The following SRGAP1 variants were observed in gnomAD, a reference collection of about 807,000 sequenced individuals.
SRGAP1 encodes SLIT-ROBO Rho GTPase activating protein 1, also known as SLIT-ROBO Rho GTPase-activating protein 1.
In SRGAP1, 43 loss-of-function variants were observed where a neutral mutation model predicts 121.9. The ratio of observed to expected loss-of-function variants is 0.35; its 90% confidence interval spans 0.28 to 0.46. SRGAP1 has a LOEUF of 0.46. Among genes scored for constraint, SRGAP1 ranks in the 20% least tolerant of loss-of-function variants. SRGAP1 has a pLI of 1.00. For missense variants in SRGAP1, 1,102 were observed against 1,350.9 expected, an observed-to-expected ratio of 0.82 and a Z score of 2.89; for synonymous variants, 447 against 485.4, an observed-to-expected ratio of 0.92 and a Z score of 1.04.
In SRGAP1 at chr12:64,156,760, T is replaced by G. The variant is rs1414696103; in HGVS notation, c.*14088T>G. 6.6e-6 allele frequency: 1 copy of G among 152,186 alleles called. No homozygotes were observed. Among genetic ancestry groups the G allele is most frequent in the East Asian group, 1.9e-4 (1 of 5,200 alleles). The allele number at this position is 152,186 out of a possible 1,614,324, so 9.4% of individuals were successfully genotyped here. A position where few individuals can be genotyped will look rare whatever the true frequency, so the allele number is the denominator to read the frequency against. On this transcript the variant is annotated 3_prime_UTR_variant, in exon 22 of 22. Transcript: ENST00000355086. The stretch of plus-strand genomic sequence containing the variant: ...TGTTGGTACACATGGAAAATCACAT[T>G]TGCCATGTTTTCTATGGCTTTGGGC...
chr12:64,113,097 C>A (rs1359008426), intron 17 of SRGAP1, among the ~76,000 whole-genome samples: 1 of 151,160 alleles, frequency 6.6e-6, no homozygotes, highest in Non-Finnish European at 1.5e-5. Context: ...CAAAACAAGA[C>A]CCTGTCTCTA....
chr12:63,892,199 T>C (rs140507400), intron 1 of SRGAP1, among the ~76,000 whole-genome samples: 6 of 152,268 alleles, frequency 3.9e-5, no homozygotes, highest in African/African-American at 1.4e-4. Flanking sequence ...CTTCCCTACC[T>C]CTAGTCTTGA....
chr12:64,050,876 C>T (rs373457754), intron 6 of SRGAP1, among the ~76,000 whole-genome samples: 1 of 152,114 alleles, frequency 6.6e-6, no homozygotes, highest in African/African-American at 2.4e-5. Flanking sequence ...TACGGACCAC[C>T]ATGCCCGGCT....
chr12:63,962,654 C>T (rs546224096), intron 1 of SRGAP1, among the ~76,000 whole-genome samples: 11 of 152,266 alleles, frequency 7.2e-5, no homozygotes, highest in African/African-American at 2.2e-4. Flanking sequence ...GTGATCTGTC[C>T]GCTTTGACCT....
At chr12:64,136,490 A>C (rs2036858314) in intron 21 of SRGAP1, among the ~76,000 whole-genome samples, 2 of 152,236 alleles carry the variant, frequency 1.3e-5, no homozygotes, top group South Asian at 4.1e-4. Flanking sequence ...AGATTTCAAA[A>C]AAGAGTGAAT....
chr12:63,860,231 A>G (rs112878330), intron 1 of SRGAP1, among the ~76,000 whole-genome samples: 110 of 152,226 alleles, frequency 7.2e-4, no homozygotes, highest in African/African-American at 2.6e-3. Flanking sequence ...GGCTTGTCTC[A>G]AACTCCTGAG....
At position 64,097,308 on chromosome 12, in the gene SRGAP1, C is replaced by G. The variant is rs1405082034; in HGVS notation, c.1746C>G (p.Leu582=). ...DINSVAGVLK[L]YFRGLENPLF... ...ACTCAGTTGCTGGCGTTCTGAAGCT[C>G]TATTTCCGTGGGCTGGAAAACCCCC... The change falls in exon 15 of 22, where the codon CTC becomes CTG. Residue 582 remains leucine, a synonymous_variant. Coordinates refer to ENST00000355086, the MANE Select transcript of SRGAP1 (RefSeq NM_020762.4). 3 of 1,612,558 alleles carry G rather than the reference C, an allele frequency of 1.9e-6. No homozygotes were observed. The South Asian group carries it at 3.3e-5, about 18-fold the overall frequency.
At chr12:64,088,563 A>C (rs577029673) in intron 11 of SRGAP1, among the ~76,000 whole-genome samples, 2 of 152,344 alleles carry the variant, frequency 1.3e-5, no homozygotes, top group African/African-American at 2.4e-5. Flanking sequence ...ACAGAATCAG[A>C]ATGAGTCACG....
intron 18 of SRGAP1, among the ~76,000 whole-genome samples, chr12:64,122,752 T>C (rs529870497): frequency 1.3e-5 from 2 of 151,938 alleles, no homozygotes; most frequent in Middle Eastern, 3.2e-3. Context: ...ACAAAAATTA[T>C]TGGGGCATGG....
intron 1 of SRGAP1, among the ~76,000 whole-genome samples, chr12:63,967,105 G>A (rs1592990030): frequency 1.3e-5 from 2 of 152,286 alleles, no homozygotes; most frequent in East Asian, 3.9e-4. Context: ...AGCCGTTTGG[G>A]AGGAGGGCAG....
intron 1 of SRGAP1, among the ~76,000 whole-genome samples, chr12:63,975,096 G>T (rs1025090623): frequency 6.6e-6 from 1 of 152,118 alleles, no homozygotes; most frequent in African/African-American, 2.4e-5. Flanking sequence ...TACATAATGA[G>T]AAAGTATTTT....
chr12:64,108,741 G>C lies in SRGAP1; in HGVS notation c.1814-191G>C, dbSNP rs551143694. The C allele has an allele frequency of 1.6e-4, 64 of 390,518 alleles. 1 individual carries two copies. The East Asian group carries it at 2.3e-3, about 14-fold the overall frequency. The allele number at this position is 390,518 out of a possible 1,614,324, so 24.2% of individuals were successfully genotyped here. On this transcript the variant is annotated intron_variant, in intron 15 of 21. Transcript: ENST00000355086. ...AAATCGGAGAAAACGGTAAGGGTCA[G>C]AGGAGATGCCCTCTGGAATGGTGGT...
chr12:63,906,535 A>G (rs985533934), intron 1 of SRGAP1, among the ~76,000 whole-genome samples: 5 of 151,882 alleles, frequency 3.3e-5, no homozygotes, highest in African/African-American at 1.2e-4. Flanking sequence ...GGATGGTCTC[A>G]ATCTCCTGAC....
Position 64,062,990 on chromosome 12 carries a change from A to C in SRGAP1, c.875A>C (p.Glu292Ala). The change falls in exon 7 of 22, where the codon GAA becomes GCA. Residue 292 changes from glutamate (E) to alanine (A), a missense_variant. Physicochemically the swap from Glu to Ala is moderately radical, Grantham distance 107. Around this residue, in one of 3 missense-constraint regions of SRGAP1, gnomAD observed 747 missense variants for 929.4 expected, o/e 0.80. Coordinates refer to ENST00000355086, the MANE Select transcript of SRGAP1 (RefSeq NM_020762.4). ...RTYLSAEYNL[E>A]TSRHEGLDII... ...TATCTGTCTGCGGAGTACAACCTTG[A>C]AACCTCCAGACATGAGGGCTTAGAC... 6.2e-7 allele frequency: 1 copy of C among 1,614,038 alleles called. No homozygotes were observed. Among genetic ancestry groups the C allele is most frequent in the Non-Finnish European group, 8.5e-7 (1 of 1,179,978 alleles).
intron 12 of SRGAP1, 91 bp downstream of exon 12, chr12:64,091,469 C>T (rs1457846948): frequency 4.8e-6 from 4 of 826,010 alleles, no homozygotes; most frequent in Non-Finnish European, 7.6e-6. Context: ...TCATTATGTC[C>T]AAGTCTGTCC....
At chr12:64,073,256 T>A (rs2035674961) in intron 8 of SRGAP1, among the ~76,000 whole-genome samples, 1 of 152,182 alleles carries the variant, frequency 6.6e-6, no homozygotes, top group Non-Finnish European at 1.5e-5. Context: ...CATGACACCA[T>A]TGCTTCTGAG....
In SRGAP1 at chr12:64,146,687, G is replaced by C. The variant is rs1236850862; in HGVS notation, c.*4015G>C. On this transcript the variant is annotated 3_prime_UTR_variant, in exon 22 of 22. Transcript: ENST00000355086. ...TCCACCACAGAAACCCTGAGACACA[G>C]AGCAGCTTAGAAGTCTCTACCCAGG... The C allele has an allele frequency of 6.6e-6, 1 of 152,104 alleles. No homozygotes were observed. The highest frequency in any genetic ancestry group is 2.4e-5 in the African/African-American group (1 of 41,422). The allele number at this position is 152,104 out of a possible 1,614,324, so 9.4% of individuals were successfully genotyped here.
chr12:64,006,743 C>G (rs943276122), intron 3 of SRGAP1, among the ~76,000 whole-genome samples: 2 of 151,978 alleles, frequency 1.3e-5, no homozygotes, highest in Non-Finnish European at 2.9e-5. Context: ...TCAAAAAGTT[C>G]TTATTATTGT....
Position 64,042,779 on chromosome 12 carries a change from CT to C in SRGAP1, c.490-7del. Reference sequence around the variant, plus strand: ...AGACATCTTGTAACAATTTGGGTCACTTTTCCACAGGTGATGAAAACATACC... The same window carrying C: ...AGACATCTTGTAACAATTTGGGTCACTTTCCACAGGTGATGAAAACATACC... On this transcript the variant is annotated splice_polypyrimidine_tract_variant and intron_variant, in intron 4 of 21. Coordinates refer to ENST00000355086, the MANE Select transcript of SRGAP1 (RefSeq NM_020762.4). The C allele has an allele frequency of 6.2e-7, 1 of 1,610,348 alleles. No homozygotes were observed. Among genetic ancestry groups the C allele is most frequent in the Non-Finnish European group, 8.5e-7 (1 of 1,177,782 alleles).
Sources: gnomAD v4.1 joint callset for allele counts (sites outside exome capture counted in the v4.1 genomes callset) on GRCh38, gnomAD v4.1.1 for gene constraint, gnomAD v4.1.1 regional missense constraint, MANE v1.5 for transcripts, NCBI Gene and HGNC (gene_info 2026-07-23, HGNC 2026-07-21) for gene names.